Variants in APC observed in about 807,000 individuals in gnomAD.
APC encodes adenomatous polyposis coli protein.
Under a neutral mutation model 247.0 loss-of-function variants are expected in APC, and 72 were observed. That is an observed-to-expected ratio of 0.29 (90% CI 0.24 to 0.35). APC has a LOEUF of 0.35. Ranked by LOEUF, APC falls within the 10% of genes least tolerant of loss-of-function variation. The pLI is 1.00. For synonymous variants in APC, 1,254 were observed against 1,162.5 expected (o/e 1.08, Z -1.60); for missense variants, 3,400 against 3,360.7 (o/e 1.01, Z -0.29).
intron 11 of APC, among the ~76,000 whole-genome samples, 181 bp downstream of exon 11, chr5:112,822,172 T>C (rs1264502661): frequency 6.6e-6 from 1 of 152,142 alleles, no homozygotes; most frequent in Non-Finnish European, 1.5e-5. Flanking sequence ...GTTTCCAGCA[T>C]AGAAAGGATC....
chr5:112,776,092 C>T (rs1757616791), intron 5 of APC, among the ~76,000 whole-genome samples: 1 of 152,088 alleles, frequency 6.6e-6, no homozygotes, highest in Non-Finnish European at 1.5e-5. Flanking sequence ...ATTTTTTGTA[C>T]TGTGTTGCAG....
chr5:112,754,803 CCTTT>C lies in APC; in HGVS notation c.-18-65_-18-62del. 8 of 1,449,438 alleles carry C rather than the reference CCTTT, an allele frequency of 5.5e-6. 1 individual carries two copies. The highest frequency in any genetic ancestry group is 7.7e-6 in the Non-Finnish European group (8 of 1,037,796). 89.8% of individuals were successfully genotyped at this position (1,449,438 alleles called of 1,614,324 possible). A position where few individuals can be genotyped will look rare whatever the true frequency, so the allele number is the denominator to read the frequency against. Reference sequence around the variant, plus strand: ...TCTTAAGAGTTTTGTTTCCTTTACCCCTTTCTTTAAAAACAAGCAGCCACTAAAT... The same window carrying C: ...TCTTAAGAGTTTTGTTTCCTTTACCCCTTTAAAAACAAGCAGCCACTAAAT... On this transcript the variant is annotated intron_variant, in intron 1 of 15. Coordinates refer to ENST00000257430, the MANE Select transcript of APC (RefSeq NM_000038.6).
intron 11 of APC, among the ~76,000 whole-genome samples, 170 bp downstream of exon 11, chr5:112,822,161 G>A (rs1361363291): frequency 6.6e-6 from 1 of 152,072 alleles, no homozygotes; most frequent in African/African-American, 2.4e-5. Flanking sequence ...ATTGTACCCT[G>A]GTTTCCAGCA....
intron 1 of APC, among the ~76,000 whole-genome samples, chr5:112,723,275 A>T (rs1297419358): frequency 6.6e-6 from 1 of 152,200 alleles, no homozygotes; most frequent in East Asian, 1.9e-4. Context: ...CAGCCTGGGC[A>T]ACATGGAGAG....
rs138093850 is a variant in APC at position 112,729,854 on chromosome 5, A to G, written c.165+21972A>G. Reference sequence around the variant, plus strand: ...ATGCATAAGTTTTATTTAATCTAATATATATTTAGTATCTTACAAGGGCAG... The same window carrying G: ...ATGCATAAGTTTTATTTAATCTAATGTATATTTAGTATCTTACAAGGGCAG... On this transcript the variant is annotated intron_variant, in intron 1 of 13. Transcript: ENST00000507379. Among the ~76,000 whole-genome samples the G allele has an allele frequency of 6.1e-3, 924 of 152,354 alleles. 7 individuals carry two copies. Among genetic ancestry groups the G allele is most frequent in the Middle Eastern group, 0.01 (3 of 294 alleles).
Position 112,707,874 on chromosome 5 carries a change from G to C in APC, c.157G>C (p.Val53Leu), listed in dbSNP as rs888841371. 1 of 1,369,064 alleles carries C rather than the reference G, an allele frequency of 7.3e-7. No homozygotes were observed. Among genetic ancestry groups the C allele is most frequent in the Non-Finnish European group, 9.6e-7 (1 of 1,038,034 alleles). 84.8% of individuals were successfully genotyped at this position (1,369,064 alleles called of 1,614,324 possible). ...TCGTACTTCTGGCCACTGGGCGAGC[G>C]TCTGGCAGGTGAGTGAGGCTGCAGG... Residue 53 changes from valine to leucine, a missense_variant, in exon 1 of 14, where the codon GTC (valine) becomes CTC (leucine). By Grantham distance (32) the Val-to-Leu change is conservative. Coordinates refer to the APC transcript ENST00000507379.
chr5:112,767,157 G>A (rs1756421983), intron 3 of APC, 32 bp from the exon 4 acceptor site: 1 of 1,515,478 alleles, frequency 6.6e-7, no homozygotes, highest in Non-Finnish European at 9.2e-7. Flanking sequence ...TAAAGCAATT[G>A]TTGTATAAAA....
intron 7 of APC, among the ~76,000 whole-genome samples, chr5:112,797,598 G>T (rs1484608372): frequency 6.6e-6 from 1 of 152,172 alleles, no homozygotes; most frequent in East Asian, 1.9e-4. Flanking sequence ...TTTCTTGTGT[G>T]TTCTTCCAGA....
At chr5:112,789,069 A>T (rs1397626659) in intron 6 of APC, among the ~76,000 whole-genome samples, 2 of 152,284 alleles carry the variant, frequency 1.3e-5, no homozygotes, top group South Asian at 4.1e-4. Context: ...AAGTTAAGGG[A>T]TTTACCTTCT....
chr5:112,746,891 A>T (rs1049212679), intron 1 of APC, among the ~76,000 whole-genome samples: 9 of 152,242 alleles, frequency 5.9e-5, no homozygotes, highest in African/African-American at 1.7e-4. Flanking sequence ...ATACCCAGAA[A>T]ATCCACTGGA....
chr5:112,823,539 G>T (rs193021944), intron 11 of APC, among the ~76,000 whole-genome samples: 24 of 152,310 alleles, frequency 1.6e-4, no homozygotes, highest in Middle Eastern at 3.4e-3. Flanking sequence ...AAGGGATAAG[G>T]AGAAAAGAAA....
rs1472879431 is a variant in APC, at chr5:112,842,722, GAACCTTACCAAACAA to G, written c.7130_7144del (p.Asn2377_Gln2381del). On this transcript the variant is annotated inframe_deletion, in exon 16 of 16. Coordinates refer to ENST00000257430, the MANE Select transcript of APC (RefSeq NM_000038.6). ...CTCCAGGTAGACAGATGAGCCAACA[GAACCTTACCAAACAA>G]ACAGGTTTATCCAAGAATGCCAGTA... is the stretch of plus-strand genomic sequence containing the variant. The G allele has an allele frequency of 1.9e-6, 3 of 1,613,914 alleles. No homozygotes were observed. In the African/African-American group the frequency reaches 4.0e-5, roughly 22 times the overall value.
At chr5:112,713,302 T>C (rs1231304802) in intron 1 of APC, among the ~76,000 whole-genome samples, 2 of 152,192 alleles carry the variant, frequency 1.3e-5, no homozygotes, top group Non-Finnish European at 2.9e-5. Context: ...ATCCTTAGCA[T>C]GCTTAACTTT....
Position 112,819,331 on chromosome 5 carries a change from G to A in APC, c.1299G>A (p.Gln433=), listed in dbSNP as rs141726130. 4 of 1,613,864 alleles carry A rather than the reference G, an allele frequency of 2.5e-6. No homozygotes were observed. Among genetic ancestry groups the A allele is most frequent in the Non-Finnish European group, 2.5e-6 (3 of 1,179,952 alleles). The change falls in exon 10 of 16, where the codon CAG becomes CAA. Residue 433 remains glutamine, a synonymous_variant. Coordinates refer to ENST00000257430, the MANE Select transcript of APC (RefSeq NM_000038.6). ...WQEAHEPGMD[Q]DKNPMPAPVE... ...AAGCTCATGAACCAGGCATGGACCAGGACAAAAATCCAAGTATGTTCTCTA... is the reference window on the plus strand; with the variant it reads ...AAGCTCATGAACCAGGCATGGACCAAGACAAAAATCCAAGTATGTTCTCTA...
intron 1 of APC, among the ~76,000 whole-genome samples, chr5:112,729,978 C>G (rs1218028360): frequency 6.6e-6 from 1 of 152,198 alleles, no homozygotes; most frequent in African/African-American, 2.4e-5. Flanking sequence ...GGCATTACCT[C>G]TTATTTGCTA....
chr5:112,838,750 CA>C lies in APC; in HGVS notation c.3159del (p.Lys1053AsnfsTer3). Reference protein sequence around the residue: ...PSQNERWARPKHIIEDEIKQS... With the variant: ...PSQNERWARPXHIIEDEIKQS... ...CACAGAATGAAAGATGGGCAAGACC[CA>C]AACACATAATAGAAGATGAAATAAA... On this transcript the variant is annotated frameshift_variant, in exon 16 of 16. Transcript: ENST00000257430. LOFTEE classifies it high-confidence loss of function. 6.2e-7 allele frequency: 1 copy of C among 1,614,030 alleles called. No homozygotes were observed. Among genetic ancestry groups the C allele is most frequent in the Non-Finnish European group, 8.5e-7 (1 of 1,179,998 alleles).
chr5:112,795,234 G>A (rs1035165382), intron 7 of APC, among the ~76,000 whole-genome samples: 1 of 152,048 alleles, frequency 6.6e-6, no homozygotes, highest in Non-Finnish European at 1.5e-5. Flanking sequence ...CACCATATTG[G>A]CCAGGCTGGG....
In APC at chr5:112,844,902, C is replaced by G. The variant is rs1766858819; in HGVS notation, c.*776C>G. 4.3e-6 allele frequency: 1 copy of G among 232,424 alleles called. No individual in the cohort carries two copies. Among genetic ancestry groups the G allele is most frequent in the Admixed American group, 5.6e-5 (1 of 17,742 alleles). The allele number at this position is 232,424 out of a possible 1,614,324, so 14.4% of individuals were successfully genotyped here. ...TGGTATTTGAGGTGAGATGGCTGCT[C>G]TTTTATTAATGAGACATGAATTGTG... is the stretch of plus-strand genomic sequence containing the variant. On this transcript the variant is annotated 3_prime_UTR_variant, in exon 16 of 16. Transcript: ENST00000257430.
Position 112,828,841 on chromosome 5 carries a change from T to G in APC, c.1627-15T>G. 1 of 1,545,118 alleles carries G rather than the reference T, an allele frequency of 6.5e-7. No homozygotes were observed. Among genetic ancestry groups the G allele is most frequent in the Non-Finnish European group, 8.9e-7 (1 of 1,117,632 alleles). On this transcript the variant is annotated splice_polypyrimidine_tract_variant and intron_variant, in intron 13 of 15. Transcript: ENST00000257430. ...ATTTTATGTATAAATTAATCTAAAA[T>G]TGATTAATTTGCAGGTTATTGCGAG...
Sources: gnomAD v4.1 joint callset for allele counts (sites outside exome capture counted in the v4.1 genomes callset) on GRCh38, gnomAD v4.1.1 for gene constraint, MANE v1.5 for transcripts, NCBI Gene and HGNC (gene_info 2026-07-23, HGNC 2026-07-21) for gene names.